DOCK10: variants seen among roughly 807,000 people sequenced by gnomAD.
The protein encoded by DOCK10 is dedicator of cytokinesis protein 10.
In DOCK10, 145 loss-of-function variants were observed where a neutral mutation model predicts 280.1. That is an observed-to-expected ratio of 0.52 (90% CI 0.45 to 0.59). The LOEUF (loss-of-function observed/expected upper bound fraction) is 0.59. Ranked by LOEUF, DOCK10 falls within the 20% of genes least tolerant of loss-of-function variation. The probability of loss-of-function intolerance (pLI) is 0.00; values close to 1 mark genes in which losing one functional copy is unlikely to be tolerated. For synonymous variants in DOCK10, 915 were observed against 942.2 expected, an observed-to-expected ratio of 0.97 and a Z score of 0.53; for missense variants, 2,368 against 2,651.7, an observed-to-expected ratio of 0.89 and a Z score of 2.35.
At chr2:224,813,925 C>A (rs1285665705) in intron 31 of DOCK10, among the ~76,000 whole-genome samples, 2 of 152,162 alleles carry the variant, frequency 1.3e-5, no homozygotes. Context: ...TAAAAATAAA[C>A]TTATACTAAT....
chr2:224,858,569 G>A (rs1033664777), intron 14 of DOCK10, among the ~76,000 whole-genome samples: 4 of 152,124 alleles, frequency 2.6e-5, no homozygotes, highest in Non-Finnish European at 5.9e-5. Context: ...CAGGAGAATC[G>A]CTTGAACCTG....
At position 224,770,463 on chromosome 2, in the gene DOCK10, T is replaced by C. The variant is rs1690362808; in HGVS notation, c.6305+82A>G. On this transcript the variant is annotated intron_variant, in intron 54 of 55. Coordinates refer to ENST00000258390, the MANE Select transcript of DOCK10 (RefSeq NM_014689.3). The surrounding 1 kb of genome is among the most constrained non-coding windows in gnomAD (Gnocchi z 4.5). ...TGGACTCTGCCACCTCAGTGAGTTT[T>C]GGTGTGATGGATTCTTGGGGGATTG... The C allele has an allele frequency of 6.4e-7, 1 of 1,569,230 alleles. No homozygotes were observed. The highest frequency in any genetic ancestry group is 8.7e-7 in the Non-Finnish European group (1 of 1,146,752).
chr2:224,905,528 C>T (rs1226640494), intron 3 of DOCK10, among the ~76,000 whole-genome samples: 1 of 151,930 alleles, frequency 6.6e-6, no homozygotes, highest in South Asian at 2.1e-4. Context: ...GGATTACAGG[C>T]GTGAGCCACC....
At chr2:224,769,254 T>C (rs1029877586) in intron 55 of DOCK10, among the ~76,000 whole-genome samples, 40 of 152,124 alleles carry the variant, frequency 2.6e-4, no homozygotes, top group African/African-American at 9.7e-4. Flanking sequence ...AATGGAGAGT[T>C]AAAAATCAGG....
At chr2:225,007,236 A>G (rs1164482912) in intron 1 of DOCK10, among the ~76,000 whole-genome samples, 1 of 152,176 alleles carries the variant, frequency 6.6e-6, no homozygotes, top group Non-Finnish European at 1.5e-5. Flanking sequence ...TATGAGTTTT[A>G]TGAAGGTATA....
At chr2:224,858,228 C>T (rs373745818) in intron 14 of DOCK10, among the ~76,000 whole-genome samples, 1 of 152,138 alleles carries the variant, frequency 6.6e-6, no homozygotes, top group African/African-American at 2.4e-5. Context: ...TTGTGGAACT[C>T]GATTTGCCCT....
intron 30 of DOCK10, among the ~76,000 whole-genome samples, chr2:224,816,272 TG>T (rs1186069801): frequency 6.6e-6 from 1 of 150,550 alleles, no homozygotes; most frequent in Non-Finnish European, 1.5e-5. Flanking sequence ...TATAATTTTA[TG>T]TCTCAAAATG....
chr2:224,991,744 C>G (rs1443874385), intron 1 of DOCK10, among the ~76,000 whole-genome samples: 1 of 152,126 alleles, frequency 6.6e-6, no homozygotes, highest in Non-Finnish European at 1.5e-5. Context: ...GGACAGATGA[C>G]AGACAATCTG....
At chr2:224,915,134 A>G (rs1017158327) in intron 3 of DOCK10, among the ~76,000 whole-genome samples, 2 of 152,218 alleles carry the variant, frequency 1.3e-5, no homozygotes, top group African/African-American at 4.8e-5. Context: ...AAACTTCCCC[A>G]TTAGGAAGTC....
intron 50 of DOCK10, among the ~76,000 whole-genome samples, chr2:224,783,441 A>AT (rs1214688217): frequency 6.6e-6 from 1 of 151,708 alleles, no homozygotes; most frequent in Non-Finnish European, 1.5e-5. Flanking sequence ...CGTCCTACTA[A>AT]TTTTTTGTAT....
intron 1 of DOCK10, among the ~76,000 whole-genome samples, chr2:225,034,994 A>G (rs571163907): frequency 6.6e-6 from 1 of 152,248 alleles, no homozygotes; most frequent in South Asian, 2.1e-4. Flanking sequence ...TGAGAAGGAG[A>G]AGTTGTGAGA....
At chr2:225,011,084 A>C (rs1378681130) in intron 1 of DOCK10, among the ~76,000 whole-genome samples, 1 of 152,256 alleles carries the variant, frequency 6.6e-6, no homozygotes, top group Non-Finnish European at 1.5e-5. Context: ...AGTGATGGAA[A>C]ATATTGATAT....
At chr2:224,767,476 TA>T (rs1426406280) in intron 55 of DOCK10, among the ~76,000 whole-genome samples, 1 of 152,230 alleles carries the variant, frequency 6.6e-6, no homozygotes, top group African/African-American at 2.4e-5. Context: ...ATGTAGTTTT[TA>T]AAACTAACCC....
At chr2:224,961,019 T>C (rs1420278406) in intron 1 of DOCK10, among the ~76,000 whole-genome samples, 2 of 151,976 alleles carry the variant, frequency 1.3e-5, no homozygotes, top group Non-Finnish European at 2.9e-5. Context: ...ATTACAGGCG[T>C]GAGCCACCGC....
At chr2:224,985,968 A>G (rs1471177918) in intron 1 of DOCK10, among the ~76,000 whole-genome samples, 1 of 152,222 alleles carries the variant, frequency 6.6e-6, no homozygotes, top group Non-Finnish European at 1.5e-5. Flanking sequence ...AAATTATGTA[A>G]GAGCCGTGTG....
intron 1 of DOCK10, among the ~76,000 whole-genome samples, chr2:225,031,851 G>A (rs149829591): frequency 7.9e-4 from 121 of 152,288 alleles, no homozygotes; most frequent in African/African-American, 2.8e-3. Context: ...TCTGAGGCTC[G>A]ATAAGGTCAG....
intron 1 of DOCK10, among the ~76,000 whole-genome samples, chr2:224,974,539 G>A (rs75715128): frequency 0.043 from 6,584 of 151,716 alleles, 182 homozygotes; most frequent in Non-Finnish European, 0.049. Context: ...GAAGCCTGGC[G>A]TTTAGAGAAA....
At chr2:225,014,203 C>T (rs1397318047) in intron 1 of DOCK10, among the ~76,000 whole-genome samples, 1 of 150,354 alleles carries the variant, frequency 6.7e-6, no homozygotes, top group African/African-American at 2.4e-5. Flanking sequence ...CCACATTTTG[C>T]CTCTGGGAAT....
intron 1 of DOCK10, among the ~76,000 whole-genome samples, chr2:224,947,255 T>C (rs1193300919): frequency 6.6e-6 from 1 of 152,166 alleles, no homozygotes; most frequent in African/African-American, 2.4e-5. Flanking sequence ...AAATAAACCA[T>C]ATGATGTAAA....
Sources: gnomAD v4.1 joint callset for allele counts (sites outside exome capture counted in the v4.1 genomes callset) on GRCh38, gnomAD v4.1.1 for gene constraint, Gnocchi (gnomAD v3.1) non-coding constraint, MANE v1.5 for transcripts, NCBI Gene and HGNC (gene_info 2026-07-23, HGNC 2026-07-21) for gene names.